The following NR4A3 variants were observed in gnomAD, a reference collection of about 807,000 sequenced individuals.
NR4A3 encodes the protein nuclear receptor subfamily 4 group A member 3.
Under a neutral mutation model 55.6 loss-of-function variants are expected in NR4A3, and 13 were observed. That is an observed-to-expected ratio of 0.23 (90% confidence interval 0.15 to 0.37). NR4A3 has a LOEUF of 0.37. Ranked by LOEUF, NR4A3 falls within the 10% of genes least tolerant of loss-of-function variation. The probability of loss-of-function intolerance (pLI) is 1.00; values close to 1 mark genes in which losing one functional copy is unlikely to be tolerated. For missense variants in NR4A3, 646 were observed against 822.8 expected, an observed-to-expected ratio of 0.79 and a Z score of 2.63; for synonymous variants, 342 against 357.9, an observed-to-expected ratio of 0.96 and a Z score of 0.50.
chr9:99,847,606 A>G lies in NR4A3; in HGVS notation c.1624A>G (p.Met542Val), dbSNP rs763805776. The G allele has an allele frequency of 6.2e-7, 1 of 1,614,004 alleles. No homozygotes were observed. Among genetic ancestry groups the G allele is most frequent in the East Asian group, 2.2e-5 (1 of 44,874 alleles). The change falls in exon 7 of 8, where the codon ATG (methionine) becomes GTG (valine). Residue 542 changes from methionine to valine, a missense_variant. Physicochemically the swap from Met to Val is conservative, Grantham distance 21 (BLOSUM62 1). Coordinates refer to ENST00000395097, the MANE Select transcript of NR4A3 (RefSeq NM_006981.4). ...CTTAGCCTGCCTGTCAGCACTGAGC[A>G]TGATCACAGGTAAGCACCACCTTGC... ...QALACLSALS[M>V]ITERHGLKEP...
At chr9:99,858,447 T>A (rs571915964) in intron 7 of NR4A3, among the ~76,000 whole-genome samples, 1 of 152,358 alleles carries the variant, frequency 6.6e-6, no homozygotes, top group Non-Finnish European at 1.5e-5. Context: ...TAGGTGTTCA[T>A]ACCACACAAA....
intron 7 of NR4A3, among the ~76,000 whole-genome samples, chr9:99,856,749 G>T (rs976154337): frequency 1.3e-5 from 2 of 152,190 alleles, no homozygotes; most frequent in African/African-American, 4.8e-5. Flanking sequence ...ACATCACTGG[G>T]CATCTTGTTG....
chr9:99,861,254 G>A (rs1042057662), intron 7 of NR4A3, among the ~76,000 whole-genome samples: 2 of 152,210 alleles, frequency 1.3e-5, no homozygotes, highest in South Asian at 4.1e-4. Context: ...GTGCAGTGGT[G>A]CATGCCTGTA....
chr9:99,844,559 C>A, intron 5 of NR4A3, 90 bp from the exon 6 acceptor site: 2 of 952,368 alleles, frequency 2.1e-6, no homozygotes, highest in Non-Finnish European at 3.3e-6. Flanking sequence ...AGAATTTAGG[C>A]ATTGATGGTC....
In NR4A3 at chr9:99,844,860, T is replaced by A. The variant is rs1361445664; in HGVS notation, c.1454+12T>A. The A allele has an allele frequency of 6.3e-7, 1 of 1,596,756 alleles. No individual in the cohort carries two copies. The highest frequency in any genetic ancestry group is 8.6e-7 in the Non-Finnish European group (1 of 1,164,250). ...AGACTTTCCATCAGGTAATTACTAC[T>A]ATTTTATCTTCAGTCTACGTCCTTT... On this transcript the variant is annotated intron_variant, in intron 6 of 7. Coordinates refer to ENST00000395097, the MANE Select transcript of NR4A3 (RefSeq NM_006981.4).
At chr9:99,858,696 A>G (rs958311200) in intron 7 of NR4A3, among the ~76,000 whole-genome samples, 19 of 152,246 alleles carry the variant, frequency 1.2e-4, no homozygotes, top group Admixed American at 6.5e-4. Context: ...CTCTGGACTT[A>G]GAGTAAAAGA....
chr9:99,847,562 T>A lies in NR4A3; in HGVS notation c.1580T>A (p.Leu527Gln), dbSNP rs1243020114. ...IKDFSLNLQS[L>Q]NLDIQALACL... ...GACTTTTCCTTAAATTTGCAGAGCC[T>A]GAACCTTGATATCCAAGCCTTAGCC... Residue 527 changes from leucine to glutamine, a missense_variant, in exon 7 of 8, where the codon CTG becomes CAG. Transcript: ENST00000395097. 6.2e-7 allele frequency: 1 copy of A among 1,614,216 alleles called. No homozygotes were observed. The highest frequency in any genetic ancestry group is 8.5e-7 in the Non-Finnish European group (1 of 1,180,040).
chr9:99,845,512 A>G (rs960240249), intron 6 of NR4A3, among the ~76,000 whole-genome samples: 8 of 152,244 alleles, frequency 5.3e-5, no homozygotes, highest in African/African-American at 1.7e-4. Flanking sequence ...TTTATTCACA[A>G]ATAGCCTGTT....
chr9:99,841,704 C>T (rs1355986851), intron 5 of NR4A3, among the ~76,000 whole-genome samples: 4 of 152,110 alleles, frequency 2.6e-5, no homozygotes, highest in Non-Finnish European at 5.9e-5. Flanking sequence ...CGTTTAAGCC[C>T]AGGAGTTCAA....
chr9:99,828,639 T>G lies in NR4A3; in HGVS notation c.597T>G (p.His199Gln). Residue 199 changes from histidine to glutamine, a missense_variant, in exon 3 of 8, where the codon CAT becomes CAG. This residue lies in a region of NR4A3 where 426 missense variants were observed against 429.4 expected (regional missense o/e 0.99). Coordinates refer to ENST00000395097, the MANE Select transcript of NR4A3 (RefSeq NM_006981.4). The surrounding 1 kb of genome is among the most constrained non-coding windows in gnomAD (Gnocchi z 7.7). ...TCCACTTCAAGCCCTCGCCGCCGCA[T>G]CCCCCCGCGCCCAGCCCGGCCGGCG... is the stretch of plus-strand genomic sequence containing the variant. ...PLFHFKPSPP[H>Q]PPAPSPAGGH... The G allele has an allele frequency of 2.0e-6, 3 of 1,464,460 alleles. No individual in the cohort carries two copies. Among genetic ancestry groups the G allele is most frequent in the Non-Finnish European group, 2.7e-6 (3 of 1,117,106 alleles). 90.7% of individuals were successfully genotyped at this position (1,464,460 alleles called of 1,614,324 possible).
chr9:99,833,534 T>C, intron 5 of NR4A3, 80 bp downstream of exon 5: 1 of 1,613,370 alleles, frequency 6.2e-7, no homozygotes, highest in Non-Finnish European at 8.5e-7. Flanking sequence ...GTTGATTGAA[T>C]GATTTTGTGT....
chr9:99,828,737 G>C lies in NR4A3; in HGVS notation c.695G>C (p.Gly232Ala). 7.6e-7 allele frequency: 1 copy of C among 1,309,140 alleles called. No homozygotes were observed. The highest frequency in any genetic ancestry group is 9.7e-7 in the Non-Finnish European group (1 of 1,032,692). 81.1% of individuals were successfully genotyped at this position (1,309,140 alleles called of 1,614,324 possible). Residue 232 changes from glycine to alanine, a missense_variant, in exon 3 of 8, where the codon GGC becomes GCC. This residue lies in a region of NR4A3 where 426 missense variants were observed against 429.4 expected (regional missense o/e 0.99). Coordinates refer to ENST00000395097, the MANE Select transcript of NR4A3 (RefSeq NM_006981.4). The surrounding 1 kb of genome is among the most constrained non-coding windows in gnomAD (Gnocchi z 7.7). ...SLPLGAAAAA[G>A]SQAAALESHP... is the part of the protein sequence containing the mutation. Reference sequence around the variant, plus strand: ...CCGCTGGGAGCCGCAGCCGCCGCGGGCAGCCAGGCCGCCGCGCTTGAGAGC... The same window carrying C: ...CCGCTGGGAGCCGCAGCCGCCGCGGCCAGCCAGGCCGCCGCGCTTGAGAGC...
chr9:99,822,626 C>T lies in NR4A3; in HGVS notation c.-177+219C>T, dbSNP rs923104967. On this transcript the variant is annotated intron_variant, in intron 1 of 7. Coordinates refer to ENST00000395097, the MANE Select transcript of NR4A3 (RefSeq NM_006981.4). The surrounding 1 kb of genome is among the most constrained non-coding windows in gnomAD (Gnocchi z 4.9). ...GATCTCTGGAGCTCGTGGGATTCCTCCCCCCACTCGAAGAGGCGAAAAGCC... is the reference window on the plus strand; with the variant it reads ...GATCTCTGGAGCTCGTGGGATTCCTTCCCCCACTCGAAGAGGCGAAAAGCC... 6.6e-6 allele frequency among the ~76,000 whole-genome samples: 1 copy of T among 152,140 alleles called. No homozygotes were observed. Among genetic ancestry groups the T allele is most frequent in the Non-Finnish European group, 1.5e-5 (1 of 68,020 alleles).
Position 99,828,333 on chromosome 9 carries a change from TCACCACCAC to T in NR4A3, c.312_320del (p.His106_His108del), listed in dbSNP as rs753648433. On this transcript the variant is annotated inframe_deletion, in exon 3 of 8. Coordinates refer to ENST00000395097, the MANE Select transcript of NR4A3 (RefSeq NM_006981.4). This position sits in a 1 kb window ranked among gnomAD's most constrained non-coding sequence, Gnocchi z 7.7. ...GGCGGGCGCCCAGCTACCATCACCA[TCACCACCAC>T]CACCACCACCACCACCACCATCACC... 2.7e-5 allele frequency: 43 copies of T among 1,604,940 alleles called. 1 individual carries two copies. Among genetic ancestry groups the T allele is most frequent in the Admixed American group, 2.0e-4 (12 of 59,570 alleles).
At chr9:99,856,338 T>A (rs894511752) in intron 7 of NR4A3, among the ~76,000 whole-genome samples, 1 of 151,780 alleles carries the variant, frequency 6.6e-6, no homozygotes, top group African/African-American at 2.4e-5. Flanking sequence ...CATGCACAGT[T>A]CACAATAGGG....
chr9:99,828,666 C>A lies in NR4A3; in HGVS notation c.624C>A (p.Gly208=). 1 of 1,414,758 alleles carries A rather than the reference C, an allele frequency of 7.1e-7. No homozygotes were observed. The highest frequency in any genetic ancestry group is 3.1e-5 in the Admixed American group (1 of 32,312). The allele number at this position is 1,414,758 out of a possible 1,614,324, so 87.6% of individuals were successfully genotyped here. ...PHPPAPSPAG[G]HHLGYDPTAA... ...CCCCCGCGCCCAGCCCGGCCGGCGG[C>A]CACCACCTCGGCTACGACCCGACGG... is the stretch of plus-strand genomic sequence containing the variant. Residue 208 remains glycine, a synonymous_variant, in exon 3 of 8, where the codon GGC becomes GGA. Transcript: ENST00000395097. This position sits in a 1 kb window ranked among gnomAD's most constrained non-coding sequence, Gnocchi z 7.7.
intron 5 of NR4A3, among the ~76,000 whole-genome samples, chr9:99,834,599 A>G (rs1827518393): frequency 1.3e-5 from 2 of 152,162 alleles, no homozygotes; most frequent in African/African-American, 4.8e-5. Flanking sequence ...GGCTACTACC[A>G]AACTGCCCTC....
At position 99,843,939 on chromosome 9, in the gene NR4A3, A is replaced by G. The variant is rs1212104521; in HGVS notation, c.1255-710A>G. Among the ~76,000 whole-genome samples, 6 of 152,142 alleles carry G rather than the reference A, an allele frequency of 3.9e-5. No individual in the cohort carries two copies. The South Asian group carries it at 8.3e-4, about 21-fold the overall frequency. ...CAGCTAATTTTTATATTTTTAGTGG[A>G]GATGGGGTTTCACCATGTTGGCCAG... On this transcript the variant is annotated intron_variant, in intron 5 of 7. Transcript: ENST00000395097.
intron 6 of NR4A3, among the ~76,000 whole-genome samples, chr9:99,846,179 A>G (rs1356997905): frequency 6.6e-6 from 1 of 152,240 alleles, no homozygotes; most frequent in Non-Finnish European, 1.5e-5. Flanking sequence ...AGATAGATAC[A>G]TACGTGGCAA....
Sources: gnomAD v4.1 joint callset for allele counts (sites outside exome capture counted in the v4.1 genomes callset) on GRCh38, gnomAD v4.1.1 for gene constraint, gnomAD v4.1.1 regional missense constraint, Gnocchi (gnomAD v3.1) non-coding constraint, MANE v1.5 for transcripts, NCBI Gene and HGNC (gene_info 2026-07-23, HGNC 2026-07-21) for gene names.